The following USP34 variants were observed in gnomAD, a reference collection of about 807,000 sequenced individuals.
The protein encoded by USP34 is ubiquitin specific peptidase 34, also known as ubiquitin carboxyl-terminal hydrolase 34.
Under a neutral mutation model 460.3 loss-of-function variants are expected in USP34, and 70 were observed. The observed-to-expected ratio is 0.15, with a 90% confidence interval of 0.13 to 0.19. USP34 has a LOEUF of 0.19. Ranked by LOEUF, USP34 falls within the 10% of genes least tolerant of loss-of-function variation. The probability of loss-of-function intolerance (pLI) is 1.00; values close to 1 mark genes in which losing one functional copy is unlikely to be tolerated. For synonymous variants in USP34, 1,647 were observed against 1,405.3 expected, an observed-to-expected ratio of 1.17 and a Z score of -3.85; for missense variants, 3,985 against 4,236.2, an observed-to-expected ratio of 0.94 and a Z score of 1.65.
chr2:61,296,471 T>C (rs1458958589), intron 30 of USP34, among the ~76,000 whole-genome samples: 3 of 152,142 alleles, frequency 2.0e-5, no homozygotes, highest in Non-Finnish European at 4.4e-5. Context: ...CCTCTGTGTA[T>C]TTTCTCTAAA....
intron 1 of USP34, among the ~76,000 whole-genome samples, chr2:61,462,915 C>A (rs1313934934): frequency 6.6e-6 from 1 of 150,706 alleles, no homozygotes; most frequent in Non-Finnish European, 1.5e-5. Context: ...CCTATAGTCC[C>A]TGCTACTCAG....
At chr2:61,345,843 C>A (rs891568973) in intron 15 of USP34, among the ~76,000 whole-genome samples, 1 of 152,178 alleles carries the variant, frequency 6.6e-6, no homozygotes, top group African/African-American at 2.4e-5. Flanking sequence ...CACTAAGTTG[C>A]TCAGGCTGAT....
intron 8 of USP34, among the ~76,000 whole-genome samples, chr2:61,372,017 T>C (rs1233683215): frequency 6.6e-6 from 1 of 152,174 alleles, no homozygotes; most frequent in Non-Finnish European, 1.5e-5. Context: ...TCTCAGAATG[T>C]ATCCCTGTCA....
chr2:61,280,695 G>A (rs1481978617), intron 38 of USP34, among the ~76,000 whole-genome samples: 2 of 152,140 alleles, frequency 1.3e-5, no homozygotes, highest in African/African-American at 2.4e-5. Context: ...TTAAAGACTA[G>A]TATATGAACT....
chr2:61,204,151 C>A, intron 74 of USP34, 105 bp downstream of exon 74: 1 of 1,437,994 alleles, frequency 7.0e-7, no homozygotes, highest in Admixed American at 2.2e-5. Context: ...TCTTAGGATC[C>A]ACAAAATTGG....
chr2:61,341,604 C>A (rs1691603085), intron 16 of USP34, among the ~76,000 whole-genome samples: 2 of 151,830 alleles, frequency 1.3e-5, no homozygotes, highest in Admixed American at 1.3e-4. Flanking sequence ...GCCATGAGAC[C>A]CCTGCTCCCC....
intron 67 of USP34, among the ~76,000 whole-genome samples, chr2:61,219,804 A>T (rs1297188271): frequency 1.3e-5 from 2 of 152,064 alleles, no homozygotes; most frequent in African/African-American, 4.8e-5. Flanking sequence ...TTAAATTTTC[A>T]TTTTTTTGAA....
chr2:61,312,648 G>A lies in USP34; in HGVS notation c.3543-738C>T, dbSNP rs1690630362. Among the ~76,000 whole-genome samples, 3 of 152,098 alleles carry A rather than the reference G, an allele frequency of 2.0e-5. No homozygotes were observed. The South Asian group carries it at 6.2e-4, about 31-fold the overall frequency. On this transcript the variant is annotated intron_variant, in intron 25 of 79. Coordinates refer to ENST00000398571, the MANE Select transcript of USP34 (RefSeq NM_014709.4). The stretch of plus-strand genomic sequence containing the variant: ...GAGTAACCTTAAAACAATGTTTCCT[G>A]TTACATATTCAAGACCAGAGTTTCT...
chr2:61,470,393 C>G (rs901065982), intron 1 of USP34, among the ~76,000 whole-genome samples: 3 of 151,764 alleles, frequency 2.0e-5, no homozygotes, highest in Admixed American at 1.3e-4. Flanking sequence ...GGAAACTTTC[C>G]GAGAGCCCAG....
intron 62 of USP34, among the ~76,000 whole-genome samples, chr2:61,225,608 G>C (rs772341216): frequency 6.6e-6 from 1 of 151,468 alleles, no homozygotes; most frequent in Non-Finnish European, 1.5e-5. Flanking sequence ...TTGATTTATA[G>C]TCAATTCTTG....
intron 75 of USP34, among the ~76,000 whole-genome samples, chr2:61,196,751 T>A (rs1032547802): frequency 6.6e-6 from 1 of 152,134 alleles, no homozygotes; most frequent in African/African-American, 2.4e-5. Context: ...CAGTCTGGTC[T>A]TGAGCTCCTG....
Position 61,409,105 on chromosome 2 carries a change from A to G in USP34, c.132-2977T>C, listed in dbSNP as rs563496073. The stretch of plus-strand genomic sequence containing the variant: ...CATGGTGGCACACACCTGTAATCCC[A>G]CCTACTCAGGAGGCTGAGGCACAAG... On this transcript the variant is annotated intron_variant, in intron 2 of 79. Coordinates refer to ENST00000398571, the MANE Select transcript of USP34 (RefSeq NM_014709.4). 2.1e-3 allele frequency among the ~76,000 whole-genome samples: 327 copies of G among 152,194 alleles called. 3 individuals carry two copies. The highest frequency in any genetic ancestry group is 7.4e-3 in the African/African-American group (309 of 41,508).
intron 18 of USP34, among the ~76,000 whole-genome samples, chr2:61,336,987 C>T (rs1691439853): frequency 6.6e-6 from 1 of 152,074 alleles, no homozygotes; most frequent in Non-Finnish European, 1.5e-5. Context: ...TTAATGGCTG[C>T]ATGATATTTA....
intron 41 of USP34, among the ~76,000 whole-genome samples, chr2:61,267,437 TAGG>T (rs1437843769): frequency 6.6e-6 from 1 of 151,956 alleles, no homozygotes; most frequent in Non-Finnish European, 1.5e-5. Flanking sequence ...GGAAAGTGGT[TAGG>T]AGATTTTTTT....
intron 48 of USP34, among the ~76,000 whole-genome samples, chr2:61,253,203 C>T (rs1255984576): frequency 6.6e-6 from 1 of 152,150 alleles, no homozygotes; most frequent in Non-Finnish European, 1.5e-5. Flanking sequence ...TGACTGACTA[C>T]CTGGGAGAGA....
intron 10 of USP34, among the ~76,000 whole-genome samples, chr2:61,368,148 G>A (rs1390166511): frequency 6.6e-6 from 1 of 152,132 alleles, no homozygotes; most frequent in Non-Finnish European, 1.5e-5. Flanking sequence ...GAATGGGCAC[G>A]TCAGGCCGGG....
intron 64 of USP34, 176 bp from the exon 65 acceptor site, chr2:61,222,839 G>C: frequency 1.4e-6 from 1 of 690,284 alleles, no homozygotes; most frequent in Non-Finnish European, 2.5e-6. Context: ...GGGACTACAG[G>C]CATGTGCCAC....
intron 1 of USP34, among the ~76,000 whole-genome samples, chr2:61,435,962 A>G (rs1356777531): frequency 6.6e-6 from 1 of 152,158 alleles, no homozygotes; most frequent in Non-Finnish European, 1.5e-5. Context: ...TGGGAGGCGG[A>G]GGCTGCAGTA....
At chr2:61,205,896 G>T in intron 72 of USP34, 121 bp downstream of exon 72, 2 of 678,520 alleles carry the variant, frequency 2.9e-6, no homozygotes, top group Non-Finnish European at 5.0e-6. Context: ...GCTAGCTAGT[G>T]TGAGTTACAC....
Sources: gnomAD v4.1 joint callset for allele counts (sites outside exome capture counted in the v4.1 genomes callset) on GRCh38, gnomAD v4.1.1 for gene constraint, MANE v1.5 for transcripts, NCBI Gene and HGNC (gene_info 2026-07-23, HGNC 2026-07-21) for gene names.